Variants in RUBCN observed in about 807,000 individuals in gnomAD.
RUBCN encodes rubicon autophagy regulator.
RUBCN carries 74 observed loss-of-function variants against 113.2 expected under a neutral mutation model. That is an observed-to-expected ratio of 0.65 (90% CI 0.54 to 0.79). The LOEUF is 0.79. Ranked by LOEUF, RUBCN falls within the 30% of genes least tolerant of loss-of-function variation. RUBCN has a pLI of 0.00. For missense variants in RUBCN, 1,109 were observed against 1,251.7 expected, an observed-to-expected ratio of 0.89 and a Z score of 1.72; for synonymous variants, 480 against 490.0, an observed-to-expected ratio of 0.98 and a Z score of 0.27.
At position 197,718,092 on chromosome 3, in the gene RUBCN, G is replaced by A. The variant is rs763194526; in HGVS notation, c.104C>T (p.Thr35Met). The A allele has an allele frequency of 8.9e-5, 144 of 1,614,046 alleles. No individual in the cohort carries two copies. Among genetic ancestry groups the A allele is most frequent in the Non-Finnish European group, 1.2e-4 (140 of 1,180,036 alleles). Residue 35 changes from threonine to methionine, a missense_variant, in exon 2 of 20, where the codon ACG becomes ATG. By Grantham distance (81) the Thr-to-Met change is moderately conservative (BLOSUM62 -1). This residue lies in a region of RUBCN where 736 missense variants were observed against 779.6 expected (regional missense o/e 0.94). Coordinates refer to ENST00000296343, the MANE Select transcript of RUBCN (RefSeq NM_014687.4). ...GTTGGTTGATACCAAACCCTCCACCGTCGTCTTCAAATTACCCAGCAACTG... is the reference window on the plus strand; with the variant it reads ...GTTGGTTGATACCAAACCCTCCACCATCGTCTTCAAATTACCCAGCAACTG... ...HWQLLGNLKT[T>M]VEGLVSTNSP...
Position 197,717,301 on chromosome 3 carries a change from G to A in RUBCN, c.219+676C>T, listed in dbSNP as rs549004671. 1.1e-3 allele frequency among the ~76,000 whole-genome samples: 174 copies of A among 151,778 alleles called. 1 individual carries two copies. The Middle Eastern group carries it at 0.014, about 12-fold the overall frequency. Reference sequence around the variant, plus strand: ...TACTAAAAAATAGAAAAAATTAGCCGGGCCTGGTGGCGGGCGCCTGTAGTC... The same window carrying A: ...TACTAAAAAATAGAAAAAATTAGCCAGGCCTGGTGGCGGGCGCCTGTAGTC... On this transcript the variant is annotated intron_variant, in intron 2 of 19. Coordinates refer to ENST00000296343, the MANE Select transcript of RUBCN (RefSeq NM_014687.4).
rs1721250106 is a variant in RUBCN, at chr3:197,681,619, AC to A, written c.2191+215del. ...CCCGCCTTACCAGCTAGCTGGAACT[AC>A]CCAACTTTCCACAGGATACAATCCT... On this transcript the variant is annotated intron_variant, in intron 15 of 19. Transcript: ENST00000296343. The surrounding 1 kb of genome is among the most constrained non-coding windows in gnomAD (Gnocchi z 5.5). Among the ~76,000 whole-genome samples, 2 of 152,128 alleles carry A rather than the reference AC, an allele frequency of 1.3e-5. No individual in the cohort carries two copies. The highest frequency in any genetic ancestry group is 2.9e-5 in the Non-Finnish European group (2 of 68,022).
chr3:197,709,424 A>C (rs1033218086), intron 2 of RUBCN, among the ~76,000 whole-genome samples: 5 of 152,044 alleles, frequency 3.3e-5, no homozygotes, highest in African/African-American at 9.7e-5. Context: ...TCTGTTGCCC[A>C]AGCTGGAGTG....
rs981391165 is a variant in RUBCN at position 197,709,515 on chromosome 3, G to C, written c.220-4340C>G. Among the ~76,000 whole-genome samples, 5 of 152,220 alleles carry C rather than the reference G, an allele frequency of 3.3e-5. No individual in the cohort carries two copies. In the South Asian group the frequency reaches 1.0e-3, roughly 32 times the overall value. ...CCTGCCTCAGCCTCCTGAGTAGCTGGGATTACAGGCTTGCGCCACCATGCC... is the reference window on the plus strand; with the variant it reads ...CCTGCCTCAGCCTCCTGAGTAGCTGCGATTACAGGCTTGCGCCACCATGCC... On this transcript the variant is annotated intron_variant, in intron 2 of 19. Transcript: ENST00000296343.
chr3:197,678,704 G>A (rs1426556488), intron 16 of RUBCN, among the ~76,000 whole-genome samples: 1 of 147,592 alleles, frequency 6.8e-6, no homozygotes, highest in Non-Finnish European at 1.5e-5. Context: ...ACTGTCGTAT[G>A]CTCTAACTGA....
At chr3:197,718,331 A>T (rs149395784) in intron 1 of RUBCN, among the ~76,000 whole-genome samples, 3 of 152,336 alleles carry the variant, frequency 2.0e-5, no homozygotes, top group African/African-American at 4.8e-5. Flanking sequence ...AAAAACAAAC[A>T]GCAAAAACCC....
chr3:197,701,642 C>T (rs1723686292), intron 6 of RUBCN, 66 bp downstream of exon 6: 1 of 1,516,514 alleles, frequency 6.6e-7, no homozygotes, highest in Admixed American at 1.7e-5. Context: ...TATGAGCAAC[C>T]ACAAAGTCTT....
At chr3:197,702,168 C>A (rs894680189) in intron 5 of RUBCN, among the ~76,000 whole-genome samples, 2 of 152,208 alleles carry the variant, frequency 1.3e-5, no homozygotes, top group Admixed American at 6.5e-5. Context: ...GGGTTCAAAT[C>A]CAGGCCCTGA....
intron 1 of RUBCN, chr3:197,748,304 A>G (rs1470972786): frequency 6.6e-6 from 1 of 152,136 alleles, no homozygotes; most frequent in Non-Finnish European, 1.5e-5. Flanking sequence ...AATCAAGCAC[A>G]TTATGCTAAG....
At chr3:197,694,184 C>A in intron 10 of RUBCN, 191 bp downstream of exon 10, 1 of 711,236 alleles carries the variant, frequency 1.4e-6, no homozygotes, top group Admixed American at 2.0e-5. Flanking sequence ...AGCCACTCTG[C>A]CTGGCCTGGA....
At position 197,700,940 on chromosome 3, in the gene RUBCN, T is replaced by G; in HGVS notation, c.934A>C (p.Asn312His). The change falls in exon 7 of 20, where the codon AAT becomes CAT. Residue 312 changes from asparagine (N) to histidine (H), a missense_variant. By Grantham distance (68) the Asn-to-His change is moderately conservative. Transcript: ENST00000296343. ...TCACTGGCATCACCTGGGGAATCAT[T>G]CTGGCTGCTGACCCAGGATGCCTCT... is the stretch of plus-strand genomic sequence containing the variant. ...PIEASWVSSQ[N>H]DSPGDASEGP... 1 of 1,614,200 alleles carries G rather than the reference T, an allele frequency of 6.2e-7. No individual in the cohort carries two copies. Among genetic ancestry groups the G allele is most frequent in the Non-Finnish European group, 8.5e-7 (1 of 1,180,038 alleles).
rs773012301 is a variant in RUBCN at position 197,700,617 on chromosome 3, A to C, written c.1257T>G (p.Ala419=). The C allele has an allele frequency of 5.6e-6, 9 of 1,613,974 alleles. No homozygotes were observed. The highest frequency in any genetic ancestry group is 4.5e-5 in the East Asian group (2 of 44,896). ...HSDTSIASRG[A]PESCNDKAKL... The stretch of plus-strand genomic sequence containing the variant: ...GCAGCCGGTGTTCCTCATTACCTGG[A>C]GCTCCCCTGGAGGCAATGCTGGTAT... Residue 419 remains alanine, a synonymous_variant, in exon 7 of 20, where the codon GCT becomes GCG. Transcript: ENST00000296343.
In RUBCN at chr3:197,681,056, G is replaced by T. The variant is rs1165565211; in HGVS notation, c.2430+73C>A. The T allele has an allele frequency of 6.2e-6, 5 of 803,570 alleles. No homozygotes were observed. In the Admixed American group the frequency reaches 8.2e-5, roughly 13 times the overall value. The allele number at this position is 803,570 out of a possible 1,614,324, so 49.8% of individuals were successfully genotyped here. A position where few individuals can be genotyped will look rare whatever the true frequency, so the allele number is the denominator to read the frequency against. ...GAGGAGGGGATGGGGGGAGGGGACGGGGGAGGGACGAGGGGAGGGGATGAG... is the reference window on the plus strand; with the variant it reads ...GAGGAGGGGATGGGGGGAGGGGACGTGGGAGGGACGAGGGGAGGGGATGAG... On this transcript the variant is annotated intron_variant, in intron 16 of 19. Coordinates refer to ENST00000296343, the MANE Select transcript of RUBCN (RefSeq NM_014687.4). The surrounding 1 kb of genome is among the most constrained non-coding windows in gnomAD (Gnocchi z 5.5).
In RUBCN at chr3:197,677,535, G is replaced by A. The variant is rs774911314; in HGVS notation, c.2437C>T (p.Arg813Trp). 3.1e-6 allele frequency: 5 copies of A among 1,613,934 alleles called. No homozygotes were observed. The highest frequency in any genetic ancestry group is 2.2e-5 in the East Asian group (1 of 44,892). ...VKLLNQVRLL[R>W]VQLCHMKNMF... ...TTCTTCATGTGACACAGCTGGACCC[G>A]CAGCAGCTGAAAAGAAAGAGAGGGG... is the stretch of plus-strand genomic sequence containing the variant. Residue 813 changes from arginine to tryptophan, a missense_variant, in exon 17 of 20, where the codon CGG becomes TGG. Coordinates refer to ENST00000296343, the MANE Select transcript of RUBCN (RefSeq NM_014687.4).
intron 11 of RUBCN, among the ~76,000 whole-genome samples, chr3:197,686,385 G>T (rs950012711): frequency 2.6e-5 from 4 of 152,186 alleles, no homozygotes; most frequent in African/African-American, 9.7e-5. Context: ...AGGCAATCAT[G>T]AATACGTCCA....
At position 197,676,887 on chromosome 3, in the gene RUBCN, T is replaced by C. The variant is rs374778009; in HGVS notation, c.2644A>G (p.Met882Val). Reference protein sequence around the residue: ...RAGATHVERCMLCQAKGFICE... With the variant: ...RAGATHVERCVLCQAKGFICE... Reference sequence around the variant, plus strand: ...ATGCTACAGTGAGACTTTCTCACCATGCATCTCTCCACATGGGTAGCCCCT... The same window carrying C: ...ATGCTACAGTGAGACTTTCTCACCACGCATCTCTCCACATGGGTAGCCCCT... The change falls in exon 18 of 20, where the codon ATG becomes GTG. Residue 882 changes from methionine to valine, a missense_variant and splice_region_variant. Coordinates refer to ENST00000296343, the MANE Select transcript of RUBCN (RefSeq NM_014687.4). The C allele has an allele frequency of 1.0e-4, 164 of 1,614,106 alleles. No homozygotes were observed. The highest frequency in any genetic ancestry group is 1.3e-4 in the Non-Finnish European group (155 of 1,180,042).
intron 7 of RUBCN, among the ~76,000 whole-genome samples, chr3:197,699,984 G>A (rs1580249678): frequency 1.3e-5 from 2 of 152,276 alleles, no homozygotes; most frequent in Middle Eastern, 3.4e-3. Context: ...TGATGGCAGG[G>A]AGATGGCAAA....
chr3:197,718,211 A>G, intron 1 of RUBCN, 81 bp from the exon 2 acceptor site: 2 of 1,504,888 alleles, frequency 1.3e-6, no homozygotes, highest in Non-Finnish European at 1.8e-6. Context: ...GTCTAAGCCG[A>G]GGAGCCTCCT....
chr3:197,743,589 C>A (rs768511681), intron 1 of RUBCN, among the ~76,000 whole-genome samples: 1 of 152,166 alleles, frequency 6.6e-6, no homozygotes, highest in Non-Finnish European at 1.5e-5. Flanking sequence ...CAGAAGACAG[C>A]AGCAGACAGG....
Sources: gnomAD v4.1 joint callset for allele counts (sites outside exome capture counted in the v4.1 genomes callset) on GRCh38, gnomAD v4.1.1 for gene constraint, gnomAD v4.1.1 regional missense constraint, Gnocchi (gnomAD v3.1) non-coding constraint, MANE v1.5 for transcripts, NCBI Gene and HGNC (gene_info 2026-07-23, HGNC 2026-07-21) for gene names.